The following TBPL2 variants were observed in gnomAD, a reference collection of about 807,000 sequenced individuals.
The protein encoded by TBPL2 is TATA-box binding protein like 2.
Under a neutral mutation model 38.2 loss-of-function variants are expected in TBPL2, and 40 were observed. That is an observed-to-expected ratio of 1.05 (90% CI 0.81 to 1.36). The LOEUF (loss-of-function observed/expected upper bound fraction) is 1.36, where lower values mean the gene tolerates loss of function less well. TBPL2 is among the 40% of genes most tolerant of loss of function. The probability of loss-of-function intolerance (pLI) is 0.00; values close to 1 mark genes in which losing one functional copy is unlikely to be tolerated. For missense variants in TBPL2, 461 were observed against 456.7 expected, an observed-to-expected ratio of 1.01 and a Z score of -0.09; for synonymous variants, 169 against 171.7, an observed-to-expected ratio of 0.98 and a Z score of 0.12.
intron 6 of TBPL2, among the ~76,000 whole-genome samples, chr14:55,417,041 C>T (rs1885679226): frequency 1.3e-5 from 2 of 152,144 alleles, no homozygotes; most frequent in Non-Finnish European, 2.9e-5. Flanking sequence ...TCTGGAGGCC[C>T]CTGGGGGGCG....
At chr14:55,414,577 G>A (rs1437155044) in intron 6 of TBPL2, 122 bp from the exon 7 acceptor site, 2 of 650,646 alleles carry the variant, frequency 3.1e-6, no homozygotes, top group Non-Finnish European at 4.9e-6. Context: ...AGCTGTACCT[G>A]AGAAATGGCA....
chr14:55,420,152 C>T (rs1338695737), intron 6 of TBPL2, among the ~76,000 whole-genome samples: 2 of 152,204 alleles, frequency 1.3e-5, no homozygotes, highest in Non-Finnish European at 2.9e-5. Context: ...CTCACTGCAA[C>T]TTCCGCCTCC....
intron 1 of TBPL2, among the ~76,000 whole-genome samples, chr14:55,438,470 G>A (rs1437731764): frequency 1.3e-5 from 2 of 152,108 alleles, no homozygotes; most frequent in African/African-American, 2.4e-5. Context: ...TCCACTGCAG[G>A]GTTTCCTTGG....
At chr14:55,434,730 T>C (rs149571074) in intron 3 of TBPL2, among the ~76,000 whole-genome samples, 4 of 152,364 alleles carry the variant, frequency 2.6e-5, no homozygotes, top group Admixed American at 2.0e-4. Flanking sequence ...AGCTTTATTG[T>C]ATTCGGGTAA....
At chr14:55,436,316 T>C (rs2140179876) in intron 2 of TBPL2, among the ~76,000 whole-genome samples, 1 of 152,332 alleles carries the variant, frequency 6.6e-6, no homozygotes, top group East Asian at 1.9e-4. Flanking sequence ...AACAATACAA[T>C]CCTTCAAGAA....
At chr14:55,439,180 C>T in intron 1 of TBPL2, among the ~76,000 whole-genome samples, 1 of 151,728 alleles carries the variant, frequency 6.6e-6, no homozygotes, top group Non-Finnish European at 1.5e-5. Flanking sequence ...CTCAAATGAG[C>T]CACGTGCCTC....
chr14:55,435,275 G>C (rs1359785463), intron 3 of TBPL2, among the ~76,000 whole-genome samples: 1 of 141,238 alleles, frequency 7.1e-6, no homozygotes, highest in Non-Finnish European at 1.5e-5. Flanking sequence ...ATAGTCAGGT[G>C]AAATTTTTTT....
At chr14:55,429,816 C>G (rs1885896035) in intron 4 of TBPL2, among the ~76,000 whole-genome samples, 1 of 143,294 alleles carries the variant, frequency 7.0e-6, no homozygotes, top group South Asian at 2.3e-4. Flanking sequence ...AATAAGGACA[C>G]ATGCATACAA....
intron 6 of TBPL2, among the ~76,000 whole-genome samples, chr14:55,416,368 G>A (rs1051606197): frequency 1.3e-5 from 2 of 152,122 alleles, no homozygotes; most frequent in African/African-American, 4.8e-5. Flanking sequence ...AAGGTGGGAG[G>A]ATCCCTTGAG....
At position 55,423,057 on chromosome 14, in the gene TBPL2, G is replaced by A. The variant is rs540415893; in HGVS notation, c.1051+1102C>T. ...TAGTATTATAGTAAACTCAAATCCC[G>A]AGAAAATACAAGCTAAGTAGACAAA... On this transcript the variant is annotated intron_variant, in intron 6 of 6. Coordinates refer to ENST00000247219, the Ensembl canonical transcript of TBPL2. Among the ~76,000 whole-genome samples, 5 of 152,016 alleles carry A rather than the reference G, an allele frequency of 3.3e-5. No individual in the cohort carries two copies. In the East Asian group the frequency reaches 5.8e-4, roughly 18 times the overall value.
chr14:55,429,229 T>G (rs1214089405), intron 4 of TBPL2, among the ~76,000 whole-genome samples: 1 of 152,250 alleles, frequency 6.6e-6, no homozygotes, highest in East Asian at 1.9e-4. Context: ...TATGAAGTAC[T>G]TTTACTTTTA....
chr14:55,433,289 C>A (rs570733283), intron 4 of TBPL2, among the ~76,000 whole-genome samples: 3 of 147,732 alleles, frequency 2.0e-5, no homozygotes, highest in Non-Finnish European at 4.4e-5. Context: ...CCACCACATC[C>A]AGCTACTTTT....
exon 2 of TBPL2, chr14:55,436,701 T>C (rs375395251): frequency 2.0e-5 from 32 of 1,614,146 alleles, no homozygotes; most frequent in East Asian, 1.1e-4. Context: ...GGTGCAGCTG[T>C]GAATGGGAAT....
chr14:55,428,092 C>T (rs1197933797), intron 5 of TBPL2, among the ~76,000 whole-genome samples: 20 of 144,748 alleles, frequency 1.4e-4, no homozygotes, highest in Non-Finnish European at 3.0e-4. Context: ...CCCTTCCTAC[C>T]GGCCTAGTCC....
In TBPL2 at chr14:55,428,738, C is replaced by T. The variant is rs931012807; in HGVS notation, c.956+69G>A. On this transcript the variant is annotated intron_variant, in intron 5 of 6. Transcript: ENST00000247219. Reference sequence around the variant, plus strand: ...CACAATTTCTCTGAAAGATACTTTACGTAAGCAACCCATAATGTAACTTAA... The same window carrying T: ...CACAATTTCTCTGAAAGATACTTTATGTAAGCAACCCATAATGTAACTTAA... 9 of 1,452,076 alleles carry T rather than the reference C, an allele frequency of 6.2e-6. No homozygotes were observed. The Admixed American group carries it at 1.1e-4, about 18-fold the overall frequency. 89.9% of individuals were successfully genotyped at this position (1,452,076 alleles called of 1,614,324 possible).
At chr14:55,421,835 G>A (rs1334012873) in intron 6 of TBPL2, among the ~76,000 whole-genome samples, 2 of 152,130 alleles carry the variant, frequency 1.3e-5, no homozygotes, top group East Asian at 3.8e-4. Flanking sequence ...AGTTATAAAA[G>A]AACACTTAAA....
chr14:55,428,709 T>A (rs972386145), intron 5 of TBPL2, 98 bp downstream of exon 5: 32 of 1,306,258 alleles, frequency 2.4e-5, no homozygotes, highest in South Asian at 7.4e-5. Context: ...TTTTTTTTTT[T>A]AATCACAATT....
At chr14:55,433,598 T>C (rs1167861857) in intron 4 of TBPL2, 32 bp downstream of exon 4, 2 of 1,583,632 alleles carry the variant, frequency 1.3e-6, no homozygotes, top group African/African-American at 1.3e-5. Context: ...AAATTGTTTC[T>C]CTGGTAGGGG....
intron 4 of TBPL2, among the ~76,000 whole-genome samples, chr14:55,429,222 GA>G (rs1437045295): frequency 1.3e-5 from 2 of 152,158 alleles, no homozygotes; most frequent in African/African-American, 4.8e-5. Flanking sequence ...TTTCATATAT[GA>G]AGTACTTTTA....
Sources: allele counts gnomAD v4.1 joint callset (sites outside exome capture counted in the v4.1 genomes callset), GRCh38; gene constraint gnomAD v4.1.1; transcripts MANE v1.5; gene names NCBI Gene and HGNC (gene_info 2026-07-23, HGNC 2026-07-21).